C8orf88: variants seen among roughly 807,000 people sequenced by gnomAD.
The protein encoded by C8orf88 is uncharacterized protein C8orf88.
Under a neutral mutation model 18.4 loss-of-function variants are expected in C8orf88, and 14 were observed. That is an observed-to-expected ratio of 0.76 (90% CI 0.50 to 1.19). C8orf88 has a LOEUF of 1.19. C8orf88 is among the 50% of genes most tolerant of loss of function. The probability of loss-of-function intolerance (pLI) is 0.00; values close to 1 mark genes in which losing one functional copy is unlikely to be tolerated. For synonymous variants in C8orf88, 45 were observed against 42.9 expected (o/e 1.05, Z -0.19); for missense variants, 116 against 134.7 (o/e 0.86, Z 0.69).
In C8orf88 at chr8:90,960,741, CTGGTTTTTG is replaced by C. The variant is rs1811113910; in HGVS notation, c.322_330del (p.Gln108_Pro110del). 10 of 1,505,016 alleles carry C rather than the reference CTGGTTTTTG, an allele frequency of 6.6e-6. No homozygotes were observed. In the South Asian group the frequency reaches 1.1e-4, roughly 17 times the overall value. 93.2% of individuals were successfully genotyped at this position (1,505,016 alleles called of 1,614,324 possible). A position where few individuals can be genotyped will look rare whatever the true frequency, so the allele number is the denominator to read the frequency against. Reference sequence around the variant, plus strand: ...CAATACAAACTTAGAAAACTACTTACTGGTTTTTGCAGTACAATGGGATGATCAGGCAGA... The same window carrying C: ...CAATACAAACTTAGAAAACTACTTACCAGTACAATGGGATGATCAGGCAGA... On this transcript the variant is annotated inframe_deletion and splice_region_variant, in exon 5 of 6. Transcript: ENST00000517562.
intron 5 of C8orf88, 127 bp from the exon 6 acceptor site, chr8:90,959,157 C>A: frequency 2.1e-6 from 1 of 474,738 alleles, no homozygotes. Context: ...ACCATAGAAA[C>A]TATTAAAGTA....
At chr8:90,973,551 T>C (rs1045608827) in intron 3 of C8orf88, among the ~76,000 whole-genome samples, 2 of 152,132 alleles carry the variant, frequency 1.3e-5, no homozygotes, top group East Asian at 3.9e-4. Context: ...GCCGTGATCA[T>C]AGGTCACTGT....
intron 4 of C8orf88, among the ~76,000 whole-genome samples, chr8:90,966,438 G>T (rs1255794007): frequency 2.0e-4 from 30 of 147,730 alleles, no homozygotes; most frequent in Non-Finnish European, 2.9e-4. Context: ...CACCAGCATG[G>T]CACATGTATA....
rs950276494 is a variant in C8orf88 at position 90,967,040 on chromosome 8, A to T, written c.223+4026T>A. Among the ~76,000 whole-genome samples the T allele has an allele frequency of 2.6e-5, 4 of 151,928 alleles. No homozygotes were observed. The East Asian group carries it at 7.7e-4, about 29-fold the overall frequency. On this transcript the variant is annotated intron_variant, in intron 4 of 5. Transcript: ENST00000517562. The stretch of plus-strand genomic sequence containing the variant: ...ATCTTTCCCAACTTAAATACCATTT[A>T]TCATTTTTCTTGCCTAACTGCTATG...
In C8orf88 at chr8:90,958,883, GAA is replaced by G. The variant is rs1811081111; in HGVS notation, c.*122_*123del. 1 of 595,628 alleles carries G rather than the reference GAA, an allele frequency of 1.7e-6. No individual in the cohort carries two copies. Among genetic ancestry groups the G allele is most frequent in the Admixed American group, 4.0e-5 (1 of 25,004 alleles). 36.9% of individuals were successfully genotyped at this position (595,628 alleles called of 1,614,324 possible). On this transcript the variant is annotated 3_prime_UTR_variant, in exon 6 of 6. Coordinates refer to ENST00000517562, the MANE Select transcript of C8orf88 (RefSeq NM_001190972.2). ...AAAATAGCTCTTTCTCATTTTTAGA[GAA>G]GTCAAATAGCCAACCATCAAAATTA...
At chr8:90,974,009 C>T (rs1000695761) in intron 3 of C8orf88, among the ~76,000 whole-genome samples, 1 of 151,764 alleles carries the variant, frequency 6.6e-6, no homozygotes, top group African/African-American at 2.4e-5. Context: ...AAAAGAGCTC[C>T]CAGGAAAACA....
chr8:90,969,952 C>A (rs944805184), intron 4 of C8orf88, among the ~76,000 whole-genome samples: 1 of 151,674 alleles, frequency 6.6e-6, no homozygotes, highest in Non-Finnish European at 1.5e-5. Context: ...AAGGAATGTC[C>A]CATGTAAGGA....
chr8:90,982,225 A>T (rs1811444386), intron 1 of C8orf88, among the ~76,000 whole-genome samples: 1 of 152,124 alleles, frequency 6.6e-6, no homozygotes, highest in East Asian at 1.9e-4. Context: ...ATATAACAAG[A>T]TGAAAAAAAA....
intron 3 of C8orf88, among the ~76,000 whole-genome samples, chr8:90,975,571 A>T (rs2130318474): frequency 6.6e-6 from 1 of 152,260 alleles, no homozygotes; most frequent in East Asian, 1.9e-4. Context: ...CATTAGGAAA[A>T]TGTTAATTTA....
In C8orf88 at chr8:90,980,355, T is replaced by C; in HGVS notation, c.73+8A>G. 1 of 1,515,776 alleles carries C rather than the reference T, an allele frequency of 6.6e-7. No homozygotes were observed. The highest frequency in any genetic ancestry group is 8.8e-7 in the Non-Finnish European group (1 of 1,136,480). 93.9% of individuals were successfully genotyped at this position (1,515,776 alleles called of 1,614,324 possible). ...AATATTTAAAGAACTGTACAATCTA[T>C]TACTCACCTGGGGGAGAAGTCAGAT... On this transcript the variant is annotated splice_region_variant and intron_variant, in intron 2 of 5. Transcript: ENST00000517562.
At chr8:90,969,085 C>G (rs1811246801) in intron 4 of C8orf88, among the ~76,000 whole-genome samples, 2 of 151,718 alleles carry the variant, frequency 1.3e-5, no homozygotes, top group Non-Finnish European at 2.9e-5. Flanking sequence ...AAACACACAA[C>G]TACCAATGAT....
intron 1 of C8orf88, among the ~76,000 whole-genome samples, chr8:90,983,595 TTA>T (rs1811463637): frequency 6.6e-6 from 1 of 152,164 alleles, no homozygotes; most frequent in Admixed American, 6.5e-5. Flanking sequence ...GGCCAAAATC[TTA>T]TTAATCTTAT....
At chr8:90,981,896 T>G (rs1586167283) in intron 1 of C8orf88, among the ~76,000 whole-genome samples, 1 of 152,176 alleles carries the variant, frequency 6.6e-6, no homozygotes, top group South Asian at 2.1e-4. Flanking sequence ...TGTAACCATA[T>G]GATATTAAGC....
At chr8:90,970,773 T>C (rs1811270647) in intron 4 of C8orf88, among the ~76,000 whole-genome samples, 1 of 152,000 alleles carries the variant, frequency 6.6e-6, no homozygotes, top group Non-Finnish European at 1.5e-5. Context: ...AGCAATAAGA[T>C]AACAGAACAG....
At position 90,958,883 on chromosome 8, in the gene C8orf88, G is replaced by A. The variant is rs1431822775; in HGVS notation, c.*124C>T. On this transcript the variant is annotated 3_prime_UTR_variant, in exon 6 of 6. Transcript: ENST00000517562. ...AAAATAGCTCTTTCTCATTTTTAGA[G>A]AAGTCAAATAGCCAACCATCAAAAT... 1.7e-6 allele frequency: 1 copy of A among 595,628 alleles called. No homozygotes were observed. Among genetic ancestry groups the A allele is most frequent in the Non-Finnish European group, 2.8e-6 (1 of 354,720 alleles). The allele number at this position is 595,628 out of a possible 1,614,324, so 36.9% of individuals were successfully genotyped here.
At chr8:90,965,452 A>G (rs2130304474) in intron 4 of C8orf88, among the ~76,000 whole-genome samples, 1 of 151,964 alleles carries the variant, frequency 6.6e-6, no homozygotes, top group African/African-American at 2.4e-5. Flanking sequence ...TGGATAGGAA[A>G]ACTTAACAGA....
chr8:90,966,189 T>G (rs922844744), intron 4 of C8orf88, among the ~76,000 whole-genome samples: 2 of 151,698 alleles, frequency 1.3e-5, no homozygotes, highest in Non-Finnish European at 2.9e-5. Flanking sequence ...AATGATGAGT[T>G]CATGTCCTTT....
intron 1 of C8orf88, among the ~76,000 whole-genome samples, chr8:90,984,148 A>C (rs1000331627): frequency 6.6e-6 from 1 of 152,192 alleles, no homozygotes; most frequent in African/African-American, 2.4e-5. Flanking sequence ...TATAAATTCT[A>C]GTCTTCTTTG....
At chr8:90,964,978 G>T (rs904168316) in intron 4 of C8orf88, among the ~76,000 whole-genome samples, 1 of 151,342 alleles carries the variant, frequency 6.6e-6, no homozygotes, top group Non-Finnish European at 1.5e-5. Flanking sequence ...AAAAAAAGAC[G>T]TATAGAAGAC....
Sources: gnomAD v4.1 joint callset for allele counts (sites outside exome capture counted in the v4.1 genomes callset) on GRCh38, gnomAD v4.1.1 for gene constraint, MANE v1.5 for transcripts, NCBI Gene and HGNC (gene_info 2026-07-23, HGNC 2026-07-21) for gene names.